Variants in GREB1 observed in about 807,000 individuals in gnomAD.
GREB1 encodes the protein growth regulating estrogen receptor binding 1, also known as protein GREB1.
A neutral mutation model predicts 200.7 loss-of-function variants in GREB1; 106 were observed. The observed-to-expected ratio is 0.53, with a 90% CI of 0.45 to 0.62. The LOEUF is 0.62. GREB1 is among the 20% of genes least tolerant of loss of function. The pLI, the probability that GREB1 is intolerant of heterozygous loss-of-function variation, is 0.00. For missense variants in GREB1, 2,243 were observed against 2,556.8 expected (o/e 0.88, Z 2.65); for synonymous variants, 1,132 against 1,092.4 (o/e 1.04, Z -0.72).
chr2:11,618,913 C>T lies in GREB1; in HGVS notation c.4038C>T (p.Pro1346=). Residue 1346 remains proline, a synonymous_variant, in exon 22 of 33, where the codon CCC becomes CCT. Coordinates refer to ENST00000381486, the MANE Select transcript of GREB1 (RefSeq NM_014668.4). ...FHPRRLLLSG[P]PQIGKTGAYL... is the part of the protein sequence containing the mutation. ...CCCGCAGGCTGCTGCTCAGCGGCCC[C>T]CCTCAGGTGAGTGTTGCTCGCTGCC... 4 of 1,515,252 alleles carry T rather than the reference C, an allele frequency of 2.6e-6. No homozygotes were observed. Among genetic ancestry groups the T allele is most frequent in the East Asian group, 2.4e-5 (1 of 42,486 alleles). The allele number at this position is 1,515,252 out of a possible 1,614,324, so 93.9% of individuals were successfully genotyped here. A position where few individuals can be genotyped will look rare whatever the true frequency, so the allele number is the denominator to read the frequency against.
intron 9 of GREB1, among the ~76,000 whole-genome samples, chr2:11,586,714 C>T (rs1680136126): frequency 6.6e-6 from 1 of 152,208 alleles, no homozygotes; most frequent in Non-Finnish European, 1.5e-5. Context: ...GTGAGAGAAG[C>T]ACCCTACTGT....
At chr2:11,611,327 C>A (rs10929761) in intron 18 of GREB1, among the ~76,000 whole-genome samples, 1 of 151,998 alleles carries the variant, frequency 6.6e-6, no homozygotes, top group East Asian at 1.9e-4. Flanking sequence ...TTATTTTCCC[C>A]TTTGAGACAG....
intron 1 of GREB1, among the ~76,000 whole-genome samples, chr2:11,484,592 C>CAA (rs869034505): frequency 1.6e-3 from 8 of 5,062 alleles, no homozygotes; most frequent in Admixed American, 2.5e-3. Context: ...TCTTAAAAAA[C>CAA]AAAAAAAAAA....
Position 11,612,527 on chromosome 2 carries a change from AC to A in GREB1, c.3043del (p.Gln1015ArgfsTer13). ...WQKIEDVEWR[P>X]QTYLELEGLP... is the part of the protein sequence containing the mutation. The stretch of plus-strand genomic sequence containing the variant: ...AGAAAATTGAGGATGTGGAGTGGAG[AC>A]CCCAGACTTACTTGGAGCTGGAGGG... On this transcript the variant is annotated frameshift_variant, in exon 19 of 33. Transcript: ENST00000381486. LOFTEE classifies it high-confidence loss of function. The A allele has an allele frequency of 6.2e-7, 1 of 1,612,386 alleles. No homozygotes were observed. The highest frequency in any genetic ancestry group is 8.5e-7 in the Non-Finnish European group (1 of 1,179,164).
intron 1 of GREB1, among the ~76,000 whole-genome samples, chr2:11,514,854 A>C (rs948134842): frequency 1.3e-5 from 2 of 152,190 alleles, no homozygotes; most frequent in African/African-American, 4.8e-5. Context: ...TCATCTCTGT[A>C]TGCCCAGTGC....
In GREB1 at chr2:11,493,929, G is replaced by C. The variant is rs1214281149; in HGVS notation, c.-159+11548G>C. ...GGGTAGAATTTGAGCTGGTGTGTTT[G>C]GGGGCTTAGGAGAAATGAATCTGAT... On this transcript the variant is annotated intron_variant, in intron 1 of 2. Transcript: ENST00000628795. The surrounding 1 kb of genome is among the most constrained non-coding windows in gnomAD (Gnocchi z 4.6). Among the ~76,000 whole-genome samples the C allele has an allele frequency of 6.6e-6, 1 of 152,102 alleles. No homozygotes were observed. Among genetic ancestry groups the C allele is most frequent in the Non-Finnish European group, 1.5e-5 (1 of 68,018 alleles).
chr2:11,493,026 A>C lies in GREB1; in HGVS notation c.-159+10645A>C, dbSNP rs531091027. ...CCAAGTCCCAGGAAGGGCTGATGGC[A>C]GCTGCTGGCCTTGAGCAATTGTCCC... is the stretch of plus-strand genomic sequence containing the variant. On this transcript the variant is annotated intron_variant, in intron 1 of 2. Transcript: ENST00000628795. The surrounding 1 kb of genome is among the most constrained non-coding windows in gnomAD (Gnocchi z 4.6). 6.6e-6 allele frequency among the ~76,000 whole-genome samples: 1 copy of C among 152,350 alleles called. No homozygotes were observed. Among genetic ancestry groups the C allele is most frequent in the East Asian group, 1.9e-4 (1 of 5,182 alleles).
At chr2:11,497,737 C>T (rs1672925466) in intron 1 of GREB1, among the ~76,000 whole-genome samples, 1 of 152,090 alleles carries the variant, frequency 6.6e-6, no homozygotes, top group African/African-American at 2.4e-5. Flanking sequence ...CACTGAACAT[C>T]TTTTCGTGAC....
chr2:11,520,101 G>A (rs1673652652), intron 1 of GREB1, among the ~76,000 whole-genome samples: 1 of 152,250 alleles, frequency 6.6e-6, no homozygotes, highest in African/African-American at 2.4e-5. Flanking sequence ...TTGTACCATG[G>A]TACCCCAATC....
intron 22 of GREB1, among the ~76,000 whole-genome samples, chr2:11,619,385 C>T (rs1468470084): frequency 6.6e-6 from 1 of 152,148 alleles, no homozygotes; most frequent in South Asian, 2.1e-4. Flanking sequence ...ATCTCCTGTG[C>T]GTGAGCCTGT....
intron 17 of GREB1, among the ~76,000 whole-genome samples, chr2:11,610,328 CT>C (rs1390423522): frequency 6.6e-6 from 1 of 152,186 alleles, no homozygotes; most frequent in Non-Finnish European, 1.5e-5. Flanking sequence ...ACTTAGTCCC[CT>C]CCTCAGAGAG....
intron 1 of GREB1, among the ~76,000 whole-genome samples, chr2:11,483,669 C>T (rs1672572393): frequency 6.9e-6 from 1 of 144,786 alleles, no homozygotes; most frequent in African/African-American, 2.6e-5. Flanking sequence ...AAGGCTGCTT[C>T]CCCGAAGTAC....
intron 1 of GREB1, among the ~76,000 whole-genome samples, chr2:11,551,588 A>G (rs1054037757): frequency 3.9e-5 from 6 of 152,224 alleles, no homozygotes; most frequent in Non-Finnish European, 5.9e-5. Context: ...CTCTTAGGCA[A>G]ATGAACTTAC....
At chr2:11,623,518 G>A (rs150062320) in intron 23 of GREB1, among the ~76,000 whole-genome samples, 1 of 152,318 alleles carries the variant, frequency 6.6e-6, no homozygotes, top group Non-Finnish European at 1.5e-5. Context: ...TGTGGAGGTG[G>A]AAGACAGTGA....
chr2:11,592,540 A>T (rs1680834862), intron 10 of GREB1, among the ~76,000 whole-genome samples: 1 of 151,328 alleles, frequency 6.6e-6, no homozygotes, highest in Non-Finnish European at 1.5e-5. Context: ...ATCATCTTAT[A>T]ATTAAAAAAA....
At chr2:11,625,775 C>T (rs551745643) in intron 24 of GREB1, among the ~76,000 whole-genome samples, 29 of 152,158 alleles carry the variant, frequency 1.9e-4, no homozygotes, top group African/African-American at 5.5e-4. Flanking sequence ...TGGTAAATGC[C>T]GTGAGAAAGG....
At chr2:11,523,498 C>T (rs1228302430) in intron 1 of GREB1, among the ~76,000 whole-genome samples, 2 of 152,150 alleles carry the variant, frequency 1.3e-5, no homozygotes, top group Non-Finnish European at 2.9e-5. Flanking sequence ...GTCCATAAAA[C>T]TCTGTTGATT....
At chr2:11,550,329 A>G (rs773601066) in intron 1 of GREB1, among the ~76,000 whole-genome samples, 7 of 152,254 alleles carry the variant, frequency 4.6e-5, no homozygotes, top group Non-Finnish European at 8.8e-5. Context: ...AATTTTCAAT[A>G]TCTGTCCATC....
intron 9 of GREB1, among the ~76,000 whole-genome samples, chr2:11,586,234 G>A (rs1572822482): frequency 6.6e-6 from 1 of 152,182 alleles, no homozygotes; most frequent in East Asian, 1.9e-4. Flanking sequence ...TCCCAGACCC[G>A]GTGCTGAGTG....
Sources: gnomAD v4.1 joint callset for allele counts (sites outside exome capture counted in the v4.1 genomes callset) on GRCh38, gnomAD v4.1.1 for gene constraint, Gnocchi (gnomAD v3.1) non-coding constraint, MANE v1.5 for transcripts, NCBI Gene and HGNC (gene_info 2026-07-23, HGNC 2026-07-21) for gene names.